TMCC3: variants seen among roughly 807,000 people sequenced by gnomAD.
TMCC3 encodes the protein transmembrane and coiled-coil domain protein 3.
Under a neutral mutation model 40.2 loss-of-function variants are expected in TMCC3, and 28 were observed. The observed-to-expected ratio is 0.70, with a 90% CI of 0.52 to 0.95. The LOEUF is 0.95. TMCC3 is among the 40% of genes least tolerant of loss of function. The pLI is 0.00. For missense variants in TMCC3, 554 were observed against 615.2 expected (o/e 0.90, Z 1.05); for synonymous variants, 255 against 248.5 (o/e 1.03, Z -0.25).
At chr12:94,577,599 C>T (rs1446951713) in intron 3 of TMCC3, among the ~76,000 whole-genome samples, 1 of 152,130 alleles carries the variant, frequency 6.6e-6, no homozygotes, top group Non-Finnish European at 1.5e-5. Flanking sequence ...CTGACTGCTC[C>T]CATGGTCCAC....
chr12:94,635,116 A>G (rs1234156181), intron 1 of TMCC3, among the ~76,000 whole-genome samples: 2 of 152,252 alleles, frequency 1.3e-5, no homozygotes, highest in African/African-American at 4.8e-5. Context: ...ACATACAAGT[A>G]AGAATTAAGC....
At chr12:94,649,680 G>A (rs1325374977) in intron 1 of TMCC3, among the ~76,000 whole-genome samples, 1 of 152,252 alleles carries the variant, frequency 6.6e-6, no homozygotes, top group Non-Finnish European at 1.5e-5. Flanking sequence ...TCTTTATTTT[G>A]AAGCCCTACA....
intron 1 of TMCC3, among the ~76,000 whole-genome samples, chr12:94,630,173 T>C (rs1419462401): frequency 6.6e-6 from 1 of 151,340 alleles, no homozygotes; most frequent in Non-Finnish European, 1.5e-5. Flanking sequence ...GGCTGAGACA[T>C]GAACCCAGGA....
chr12:94,598,554 C>T, intron 1 of TMCC3: 2 of 983,828 alleles, frequency 2.0e-6, no homozygotes, highest in Non-Finnish European at 2.4e-6. Flanking sequence ...TCCCAAGATA[C>T]CTTGCATAAT....
In TMCC3 at chr12:94,576,594, G is replaced by C. The variant is rs140870982; in HGVS notation, c.1131+1800C>G. Among the ~76,000 whole-genome samples the C allele has an allele frequency of 9.6e-3, 1,457 of 152,158 alleles. 31 individuals are homozygous for C. Among genetic ancestry groups the C allele is most frequent in the African/African-American group, 0.034 (1,402 of 41,508 alleles). On this transcript the variant is annotated intron_variant, in intron 3 of 3. Coordinates refer to ENST00000261226, the MANE Select transcript of TMCC3 (RefSeq NM_020698.4). ...GGGCTCAAGCCATCCTCCTACCTCAGACTCCTGAGTTTCTGGGACTACAGG... is the reference window on the plus strand; with the variant it reads ...GGGCTCAAGCCATCCTCCTACCTCACACTCCTGAGTTTCTGGGACTACAGG...
intron 1 of TMCC3, among the ~76,000 whole-genome samples, chr12:94,633,929 T>C (rs60644862): frequency 0.074 from 11,202 of 151,888 alleles, 574 homozygotes; most frequent in East Asian, 0.16. Context: ...AGTACATATA[T>C]ATTATTCTTT....
intron 1 of TMCC3, among the ~76,000 whole-genome samples, chr12:94,592,501 G>A (rs539243381): frequency 2.1e-4 from 32 of 150,122 alleles, no homozygotes; most frequent in East Asian, 7.8e-4. Context: ...AAAATGAGCC[G>A]GGTGTGGTGG....
intron 3 of TMCC3, among the ~76,000 whole-genome samples, chr12:94,576,194 G>A (rs955476434): frequency 2.6e-5 from 4 of 152,138 alleles, no homozygotes; most frequent in Non-Finnish European, 5.9e-5. Flanking sequence ...TTTGAGATGC[G>A]GTCTCTGGGG....
intron 1 of TMCC3, chr12:94,615,893 C>G: frequency 5.1e-6 from 5 of 982,806 alleles, no homozygotes; most frequent in Non-Finnish European, 6.0e-6. Flanking sequence ...CACACTCTGG[C>G]TGAAACGGAA....
At chr12:94,618,874 T>C (rs2068860738) in intron 1 of TMCC3, among the ~76,000 whole-genome samples, 8 of 152,200 alleles carry the variant, frequency 5.3e-5, no homozygotes, top group Admixed American at 5.2e-4. Context: ...CAGCTGTGAA[T>C]AGACTCAACT....
At chr12:94,639,593 T>C (rs1408948628) in intron 1 of TMCC3, among the ~76,000 whole-genome samples, 4 of 150,254 alleles carry the variant, frequency 2.7e-5, no homozygotes, top group Admixed American at 2.0e-4. Flanking sequence ...AATAAATAAG[T>C]AAATAAATAA....
At position 94,605,446 on chromosome 12, in the gene TMCC3, G is replaced by C. The variant is rs199993392; in HGVS notation, c.79-22908C>G. Reference sequence around the variant, plus strand: ...TTGGTCATGACATGCGTATACACTTGTTGCATACCAACATTAAGTAAGCGT... The same window carrying C: ...TTGGTCATGACATGCGTATACACTTCTTGCATACCAACATTAAGTAAGCGT... On this transcript the variant is annotated intron_variant, in intron 1 of 3. Transcript: ENST00000261226. 2.2e-4 allele frequency among the ~76,000 whole-genome samples: 34 copies of C among 152,224 alleles called. No individual in the cohort carries two copies. The East Asian group carries it at 6.0e-3, about 27-fold the overall frequency.
chr12:94,590,892 C>T, intron 1 of TMCC3: 1 of 582,208 alleles, frequency 1.7e-6, no homozygotes, highest in Non-Finnish European at 3.4e-6. Context: ...TCGGGCTCAG[C>T]CTAGATGAGT....
intron 1 of TMCC3, among the ~76,000 whole-genome samples, chr12:94,617,004 T>C (rs2068851412): frequency 6.6e-6 from 1 of 152,112 alleles, no homozygotes; most frequent in Non-Finnish European, 1.5e-5. Context: ...TGGCAAGAGC[T>C]GGTGAAGGCT....
chr12:94,596,439 G>C (rs1322880874), intron 1 of TMCC3, among the ~76,000 whole-genome samples: 5 of 152,078 alleles, frequency 3.3e-5, no homozygotes, highest in Admixed American at 3.3e-4. Flanking sequence ...ACCCTAGCAT[G>C]GTCTCCTTCC....
At position 94,643,412 on chromosome 12, in the gene TMCC3, C is replaced by T. The variant is rs567816716; in HGVS notation, c.78+6941G>A. On this transcript the variant is annotated intron_variant, in intron 1 of 3. Coordinates refer to ENST00000261226, the MANE Select transcript of TMCC3 (RefSeq NM_020698.4). ...GTCATGAGGATCTACTGAGGAGACA[C>T]GTTTGCAGGCATGTCTTGAACTCCA... 2.0e-5 allele frequency among the ~76,000 whole-genome samples: 3 copies of T among 152,244 alleles called. No homozygotes were observed. The East Asian group carries it at 5.8e-4, about 29-fold the overall frequency.
rs372024624 is a variant in TMCC3, at chr12:94,624,852, G to A, written c.78+25501C>T. On this transcript the variant is annotated intron_variant, in intron 1 of 3. Transcript: ENST00000261226. The stretch of plus-strand genomic sequence containing the variant: ...TCTTTCTGAGCTGATGAAAATGTTC[G>A]AAAATGGGCCAGGTGCGGTGGCTCA... Among the ~76,000 whole-genome samples, 9 of 150,504 alleles carry A rather than the reference G, an allele frequency of 6.0e-5. No homozygotes were observed. In the South Asian group the frequency reaches 1.7e-3, roughly 28 times the overall value.
At chr12:94,575,395 C>G (rs1449323185) in intron 3 of TMCC3, among the ~76,000 whole-genome samples, 1 of 152,124 alleles carries the variant, frequency 6.6e-6, no homozygotes, top group Non-Finnish European at 1.5e-5. Flanking sequence ...CCTTGACAAC[C>G]TTTTGAGGTA....
rs1184917067 is a variant in TMCC3 at position 94,571,218 on chromosome 12, G to T, written c.*217C>A. ...TCGGTCTGATTAAGGCAGTGAGCAA[G>T]GTAGGAGAGCTCTGAAACAGATTCG... On this transcript the variant is annotated 3_prime_UTR_variant, in exon 4 of 4. Coordinates refer to ENST00000261226, the MANE Select transcript of TMCC3 (RefSeq NM_020698.4). 3.4e-6 allele frequency: 2 copies of T among 588,860 alleles called. No homozygotes were observed. The highest frequency in any genetic ancestry group is 5.9e-6 in the Non-Finnish European group (2 of 336,724). 36.5% of individuals were successfully genotyped at this position (588,860 alleles called of 1,614,324 possible). A position where few individuals can be genotyped will look rare whatever the true frequency, so the allele number is the denominator to read the frequency against.
Sources: gnomAD v4.1 joint callset for allele counts (sites outside exome capture counted in the v4.1 genomes callset) on GRCh38, gnomAD v4.1.1 for gene constraint, MANE v1.5 for transcripts, NCBI Gene and HGNC (gene_info 2026-07-23, HGNC 2026-07-21) for gene names.